CLEC2D: variants seen among roughly 807,000 people sequenced by gnomAD.
CLEC2D encodes the protein C-type lectin domain family 2 member D.
Under a neutral mutation model 20.0 loss-of-function variants are expected in CLEC2D, and 16 were observed. That is an observed-to-expected ratio of 0.80 (90% CI 0.54 to 1.22). CLEC2D has a LOEUF of 1.22. Among genes scored for constraint, CLEC2D ranks in the 50% most tolerant of loss-of-function variants. The pLI is 0.00. For synonymous variants in CLEC2D, 77 were observed against 71.1 expected (o/e 1.08, Z -0.42); for missense variants, 207 against 221.5 (o/e 0.93, Z 0.42).
Position 9,696,429 on chromosome 12 carries a change from C to G in CLEC2D, c.*1555C>G, listed in dbSNP as rs1865995477. ...TTTAAAGATGGAACTCCACCCTTTG[C>G]TTGGTTTTAAGTATGTATGGGATGC... On this transcript the variant is annotated 3_prime_UTR_variant, in exon 5 of 5. Coordinates refer to ENST00000290855, the MANE Select transcript of CLEC2D (RefSeq NM_013269.6). The G allele has an allele frequency of 4.4e-6, 2 of 457,522 alleles. No individual in the cohort carries two copies. The highest frequency in any genetic ancestry group is 8.0e-6 in the Non-Finnish European group (2 of 248,488). 28.3% of individuals were successfully genotyped at this position (457,522 alleles called of 1,614,324 possible).
rs1866046414 is a variant in CLEC2D at position 9,698,243 on chromosome 12, A to C, written c.*3369A>C. On this transcript the variant is annotated 3_prime_UTR_variant, in exon 5 of 5. Coordinates refer to ENST00000290855, the MANE Select transcript of CLEC2D (RefSeq NM_013269.6). ...ATTTTCTGTGGTGAGAACATTTGAAATTTATTCTCTTGACAATTTTGAAAG... is the reference window on the plus strand; with the variant it reads ...ATTTTCTGTGGTGAGAACATTTGAACTTTATTCTCTTGACAATTTTGAAAG... 6.6e-6 allele frequency: 1 copy of C among 152,170 alleles called. No individual in the cohort carries two copies. The highest frequency in any genetic ancestry group is 6.5e-5 in the Admixed American group (1 of 15,270). 9.4% of individuals were successfully genotyped at this position (152,170 alleles called of 1,614,324 possible). A position where few individuals can be genotyped will look rare whatever the true frequency, so the allele number is the denominator to read the frequency against.
rs1276337746 is a variant in CLEC2D, at chr12:9,698,527, G to T, written c.*3653G>T. 6.6e-6 allele frequency: 1 copy of T among 152,072 alleles called. No homozygotes were observed. The highest frequency in any genetic ancestry group is 1.5e-5 in the Non-Finnish European group (1 of 67,998). 9.4% of individuals were successfully genotyped at this position (152,072 alleles called of 1,614,324 possible). A position where few individuals can be genotyped will look rare whatever the true frequency, so the allele number is the denominator to read the frequency against. On this transcript the variant is annotated 3_prime_UTR_variant, in exon 5 of 5. Transcript: ENST00000290855. ...CATATATAAAAACCAACTGAAAATC[G>T]ATTAAAGACTTAAACTGTAAAACTA...
Position 9,680,970 on chromosome 12 carries a change from C to A in CLEC2D, c.109C>A (p.Arg37Ser). 1 of 1,607,142 alleles carries A rather than the reference C, an allele frequency of 6.2e-7. No homozygotes were observed. The highest frequency in any genetic ancestry group is 8.5e-7 in the Non-Finnish European group (1 of 1,174,778). ...EHSIKATLIWRLFFLIMFLTI... is the reference protein window; with the variant it reads ...EHSIKATLIWSLFFLIMFLTI... Reference sequence around the variant, plus strand: ...TTCTATTAAAGCTACCTTAATTTGGCGCTTATTTTTCTTAATCATGTTTCT... The same window carrying A: ...TTCTATTAAAGCTACCTTAATTTGGAGCTTATTTTTCTTAATCATGTTTCT... The change falls in exon 2 of 5, where the codon CGC becomes AGC. Residue 37 changes from arginine to serine, a missense_variant. Arg to Ser is a moderately radical substitution (Grantham distance 110, BLOSUM62 -1). Transcript: ENST00000290855.
chr12:9,691,056 T>C (rs997389360), intron 3 of CLEC2D, among the ~76,000 whole-genome samples: 4 of 151,974 alleles, frequency 2.6e-5, no homozygotes, highest in African/African-American at 7.2e-5. Flanking sequence ...CACAAAGAAG[T>C]TGAAAGTAAA....
intron 1 of CLEC2D, among the ~76,000 whole-genome samples, chr12:9,670,082 A>G (rs1350374430): frequency 6.6e-6 from 1 of 152,236 alleles, no homozygotes; most frequent in East Asian, 1.9e-4. Context: ...AAAAAAATCT[A>G]TACAAACTCT....
intron 1 of CLEC2D, among the ~76,000 whole-genome samples, chr12:9,673,317 C>T (rs1476645961): frequency 6.6e-6 from 1 of 152,242 alleles, no homozygotes; most frequent in East Asian, 1.9e-4. Context: ...AACAGTCAGC[C>T]TTTCTGAGGC....
chr12:9,676,395 C>T (rs965761953), intron 1 of CLEC2D, among the ~76,000 whole-genome samples: 5 of 151,800 alleles, frequency 3.3e-5, no homozygotes, highest in Non-Finnish European at 7.4e-5. Context: ...CACAAATGGG[C>T]GTTGAATTTT....
rs1453626774 is a variant in CLEC2D at position 9,694,886 on chromosome 12, A to G, written c.*12A>G. ...ATATACATGTCTAGATGTTACAGCA[A>G]AGCCCCAACTAATCTTTAGAAGCAT... On this transcript the variant is annotated 3_prime_UTR_variant, in exon 5 of 5. Transcript: ENST00000290855. 1 of 1,367,960 alleles carries G rather than the reference A, an allele frequency of 7.3e-7. No individual in the cohort carries two copies. Among genetic ancestry groups the G allele is most frequent in the African/African-American group, 1.4e-5 (1 of 70,094 alleles). 84.7% of individuals were successfully genotyped at this position (1,367,960 alleles called of 1,614,324 possible).
Position 9,695,654 on chromosome 12 carries a change from G to A in CLEC2D, c.*780G>A, listed in dbSNP as rs1299241099. 8 of 1,576,008 alleles carry A rather than the reference G, an allele frequency of 5.1e-6. No homozygotes were observed. Among genetic ancestry groups the A allele is most frequent in the African/African-American group, 4.0e-5 (3 of 74,278 alleles). ...GTACAGCCAACGGTTTCTCTTGGGG[G>A]CTTTGAAATAACACCACCAGTGGAC... On this transcript the variant is annotated 3_prime_UTR_variant, in exon 5 of 5. Transcript: ENST00000290855.
At chr12:9,675,962 A>G (rs1865513866) in intron 1 of CLEC2D, among the ~76,000 whole-genome samples, 1 of 152,190 alleles carries the variant, frequency 6.6e-6, no homozygotes, top group Non-Finnish European at 1.5e-5. Flanking sequence ...TAGAAAAGTG[A>G]TTGACTTTTG....
intron 4 of CLEC2D, among the ~76,000 whole-genome samples, chr12:9,694,502 T>A (rs188174173): frequency 6.6e-6 from 1 of 152,284 alleles, no homozygotes; most frequent in African/African-American, 2.4e-5. Context: ...CAGCTAAGGC[T>A]TTGGATGTAC....
chr12:9,695,215 C>T lies in CLEC2D; in HGVS notation c.*341C>T, dbSNP rs939069296. 2.0e-5 allele frequency: 12 copies of T among 605,544 alleles called. No individual in the cohort carries two copies. The highest frequency in any genetic ancestry group is 9.3e-5 in the African/African-American group (5 of 53,810). The allele number at this position is 605,544 out of a possible 1,614,324, so 37.5% of individuals were successfully genotyped here. On this transcript the variant is annotated 3_prime_UTR_variant, in exon 5 of 5. Transcript: ENST00000290855. The stretch of plus-strand genomic sequence containing the variant: ...AAGTCATGTCTTATGTGGTGGCAGG[C>T]AGGGGGACTTGTGCACAGGAACTCC...
intron 2 of CLEC2D, among the ~76,000 whole-genome samples, chr12:9,684,599 C>T (rs1258767531): frequency 6.6e-6 from 1 of 152,036 alleles, no homozygotes; most frequent in Non-Finnish European, 1.5e-5. Flanking sequence ...AAGGGGTGTT[C>T]AATTTTATCA....
intron 1 of CLEC2D, among the ~76,000 whole-genome samples, chr12:9,673,712 A>T (rs1865467386): frequency 6.6e-6 from 1 of 152,166 alleles, no homozygotes; most frequent in Non-Finnish European, 1.5e-5. Context: ...CAGCGAGATG[A>T]GAGTTCTGTC....
At chr12:9,669,857 TG>T (rs1430730177) in intron 1 of CLEC2D, 62 bp downstream of exon 1, 1 of 1,319,520 alleles carries the variant, frequency 7.6e-7, no homozygotes, top group Non-Finnish European at 1.1e-6. Flanking sequence ...GTGGTAGTGA[TG>T]GGCTCACACA....
chr12:9,694,471 T>A (rs1425261027), intron 4 of CLEC2D, among the ~76,000 whole-genome samples: 1 of 152,184 alleles, frequency 6.6e-6, no homozygotes, highest in African/African-American at 2.4e-5. Context: ...AAAGAAAACG[T>A]GTCAGACTTC....
At position 9,697,231 on chromosome 12, in the gene CLEC2D, G is replaced by C. The variant is rs1419280730; in HGVS notation, c.*2357G>C. ...TGGAAGGTTGTGGGTTTATGGGAAT[G>C]AGGGCAAGGAACACCTGGCCTGCCC... is the stretch of plus-strand genomic sequence containing the variant. On this transcript the variant is annotated 3_prime_UTR_variant, in exon 5 of 5. Coordinates refer to ENST00000290855, the MANE Select transcript of CLEC2D (RefSeq NM_013269.6). 1.3e-5 allele frequency: 2 copies of C among 152,186 alleles called. No homozygotes were observed. The highest frequency in any genetic ancestry group is 4.8e-5 in the African/African-American group (2 of 41,524). The allele number at this position is 152,186 out of a possible 1,614,324, so 9.4% of individuals were successfully genotyped here.
intron 1 of CLEC2D, among the ~76,000 whole-genome samples, chr12:9,675,691 A>G (rs967849856): frequency 6.6e-6 from 1 of 152,194 alleles, no homozygotes; most frequent in African/African-American, 2.4e-5. Context: ...TGCTGAGATT[A>G]TTATTATCAT....
chr12:9,691,754 G>A (rs1865867617), intron 3 of CLEC2D, among the ~76,000 whole-genome samples: 1 of 152,100 alleles, frequency 6.6e-6, no homozygotes, highest in Non-Finnish European at 1.5e-5. Flanking sequence ...ACTGAACATA[G>A]TTCTAAGAGG....
Sources: allele counts gnomAD v4.1 joint callset (sites outside exome capture counted in the v4.1 genomes callset), GRCh38; gene constraint gnomAD v4.1.1; transcripts MANE v1.5; gene names NCBI Gene and HGNC (gene_info 2026-07-23, HGNC 2026-07-21).